The following DLG2 variants were observed in gnomAD, a reference collection of about 807,000 sequenced individuals.
The protein encoded by DLG2 is discs large MAGUK scaffold protein 2.
Under a neutral mutation model 132.5 loss-of-function variants are expected in DLG2, and 45 were observed. The observed-to-expected ratio is 0.34, with a 90% confidence interval of 0.27 to 0.44. The LOEUF (loss-of-function observed/expected upper bound fraction) is 0.44, where lower values mean the gene tolerates loss of function less well. Ranked by LOEUF, DLG2 falls within the 20% of genes least tolerant of loss-of-function variation. The pLI, the probability that DLG2 is intolerant of heterozygous loss-of-function variation, is 1.00. For synonymous variants in DLG2, 424 were observed against 419.6 expected, an observed-to-expected ratio of 1.01 and a Z score of -0.13; for missense variants, 1,045 against 1,196.9, an observed-to-expected ratio of 0.87 and a Z score of 1.87.
intron 3 of DLG2, among the ~76,000 whole-genome samples, chr11:85,307,897 G>C (rs1236603316): frequency 6.6e-6 from 1 of 152,140 alleles, no homozygotes; most frequent in Non-Finnish European, 1.5e-5. Context: ...GCTCATGCCT[G>C]TAATCCCAGC....
intron 4 of DLG2, among the ~76,000 whole-genome samples, chr11:85,259,080 G>A (rs141864835): frequency 2.0e-5 from 3 of 152,206 alleles, no homozygotes; most frequent in African/African-American, 7.2e-5. Flanking sequence ...TGGTTTGGTT[G>A]TATGTCCCCA....
At chr11:85,406,751 A>C (rs765770093) in intron 3 of DLG2, among the ~76,000 whole-genome samples, 1 of 151,980 alleles carries the variant, frequency 6.6e-6, no homozygotes, top group Non-Finnish European at 1.5e-5. Context: ...TAAGTTAAAC[A>C]AAACAAAAAT....
intron 6 of DLG2, among the ~76,000 whole-genome samples, chr11:85,046,440 G>A (rs979085859): frequency 2.0e-5 from 3 of 151,962 alleles, no homozygotes; most frequent in Non-Finnish European, 2.9e-5. Context: ...ACCTTGACCA[G>A]TGAAGCAAAA....
intron 6 of DLG2, among the ~76,000 whole-genome samples, chr11:84,873,218 G>A (rs1455741410): frequency 6.6e-6 from 1 of 152,158 alleles, no homozygotes; most frequent in Non-Finnish European, 1.5e-5. Flanking sequence ...GAGAGAGTCA[G>A]AGTTAGAAAA....
At chr11:85,191,228 GAAC>G (rs2080547914) in intron 4 of DLG2, among the ~76,000 whole-genome samples, 1 of 141,058 alleles carries the variant, frequency 7.1e-6, no homozygotes, top group African/African-American at 2.7e-5. Flanking sequence ...TCCCAATGAA[GAAC>G]AACAACAAAA....
In DLG2 at chr11:85,021,660, T is replaced by G. The variant is rs2060080304; in HGVS notation, c.357+90001A>C. 2.6e-6 allele frequency: 3 copies of G among 1,153,930 alleles called. No homozygotes were observed. The South Asian group carries it at 3.7e-5, about 14-fold the overall frequency. The allele number at this position is 1,153,930 out of a possible 1,614,324, so 71.5% of individuals were successfully genotyped here. A position where few individuals can be genotyped will look rare whatever the true frequency, so the allele number is the denominator to read the frequency against. On this transcript the variant is annotated intron_variant, in intron 6 of 27. Coordinates refer to ENST00000376104, the MANE Select transcript of DLG2 (RefSeq NM_001142699.3). The stretch of plus-strand genomic sequence containing the variant: ...TGGTAACGTTGCTAGCCATTGTGTT[T>G]GATGATAAGGTTTCTCACACAGCTG...
chr11:85,252,653 A>T (rs1038693510), intron 4 of DLG2, among the ~76,000 whole-genome samples: 2 of 152,186 alleles, frequency 1.3e-5, no homozygotes, highest in Admixed American at 1.3e-4. Context: ...TTATAAGTGA[A>T]TTTGCACAAG....
intron 18 of DLG2, among the ~76,000 whole-genome samples, chr11:83,636,844 C>T (rs994831399): frequency 6.6e-6 from 1 of 152,160 alleles, no homozygotes; most frequent in African/African-American, 2.4e-5. Context: ...ATGATTTATA[C>T]TGCATTTGCC....
At position 84,714,563 on chromosome 11, in the gene DLG2, CTT is replaced by C. The variant is rs1177288456; in HGVS notation, c.358-179834_358-179833del. ...TCTCTTTCTCTTTCTCTCTCTTTCT[CTT>C]TCTCTTTCTCTTTCTCTTTCTCTTT... On this transcript the variant is annotated intron_variant, in intron 6 of 27. Transcript: ENST00000376104. 7.7e-4 allele frequency among the ~76,000 whole-genome samples: 78 copies of C among 101,152 alleles called. 1 individual carries two copies. Among genetic ancestry groups the C allele is most frequent in the East Asian group, 1.1e-3 (4 of 3,668 alleles). The allele number at this position is 101,152 out of a possible 152,430, so 66.4% of individuals were successfully genotyped here.
chr11:85,157,599 T>C (rs2077679801), intron 4 of DLG2, among the ~76,000 whole-genome samples: 1 of 152,084 alleles, frequency 6.6e-6, no homozygotes, highest in Admixed American at 6.6e-5. Context: ...GACAAAGTGA[T>C]GAAAGGAAAT....
At chr11:84,585,649 G>C (rs1296592658) in intron 6 of DLG2, among the ~76,000 whole-genome samples, 1 of 152,134 alleles carries the variant, frequency 6.6e-6, no homozygotes, top group African/African-American at 2.4e-5. Flanking sequence ...GCAGGCCATT[G>C]TATTTAAGTC....
At chr11:83,468,843 G>C (rs953150641) in intron 25 of DLG2, among the ~76,000 whole-genome samples, 1 of 151,984 alleles carries the variant, frequency 6.6e-6, no homozygotes, top group African/African-American at 2.4e-5. Context: ...TTTTCAGAGA[G>C]AGAGAAAAAA....
intron 3 of DLG2, among the ~76,000 whole-genome samples, chr11:85,402,869 T>C (rs1374981087): frequency 6.6e-6 from 1 of 152,016 alleles, no homozygotes; most frequent in African/African-American, 2.4e-5. Flanking sequence ...TGTGGAAAAA[T>C]AGGAATGCTT....
At chr11:84,771,427 T>A (rs2153889538) in intron 6 of DLG2, among the ~76,000 whole-genome samples, 1 of 152,374 alleles carries the variant, frequency 6.6e-6, no homozygotes, top group South Asian at 2.1e-4. Context: ...TTGAAAAGCG[T>A]CTGTTCATAT....
At chr11:84,099,090 C>G in intron 9 of DLG2, 43 bp from the exon 10 acceptor site, 1 of 1,588,614 alleles carries the variant, frequency 6.3e-7, no homozygotes, top group Non-Finnish European at 8.6e-7. Context: ...TGTCTGTCAC[C>G]TAAAACCTAG....
chr11:84,109,267 G>C (rs1175236264), intron 9 of DLG2, among the ~76,000 whole-genome samples: 2 of 152,150 alleles, frequency 1.3e-5, no homozygotes, highest in Admixed American at 6.6e-5. Context: ...TCTAAGCAAA[G>C]TTATCTACTT....
At chr11:83,675,279 T>C (rs1042475115) in intron 18 of DLG2, among the ~76,000 whole-genome samples, 4 of 152,242 alleles carry the variant, frequency 2.6e-5, no homozygotes, top group Admixed American at 1.3e-4. Flanking sequence ...CTTTGAAGCA[T>C]TGACATTTTG....
At chr11:84,128,594 C>T (rs1376083560) in intron 9 of DLG2, among the ~76,000 whole-genome samples, 11 of 152,000 alleles carry the variant, frequency 7.2e-5, no homozygotes, top group Non-Finnish European at 1.5e-5. Context: ...TTTTCTCTAT[C>T]AGGTTTCTTT....
At chr11:83,480,086 T>C (rs2092975348) in intron 22 of DLG2, among the ~76,000 whole-genome samples, 1 of 152,106 alleles carries the variant, frequency 6.6e-6, no homozygotes, top group African/African-American at 2.4e-5. Context: ...TTGAACTTTT[T>C]ACACACCTTC....
Sources: allele counts gnomAD v4.1 joint callset (sites outside exome capture counted in the v4.1 genomes callset), GRCh38; gene constraint gnomAD v4.1.1; transcripts MANE v1.5; gene names NCBI Gene and HGNC (gene_info 2026-07-23, HGNC 2026-07-21).